Variants in MARCO observed in about 807,000 individuals in gnomAD.
The protein encoded by MARCO is macrophage receptor MARCO.
MARCO carries 72 observed loss-of-function variants against 70.0 expected under a neutral mutation model. The observed-to-expected ratio is 1.03, with a 90% confidence interval of 0.85 to 1.25. The LOEUF (loss-of-function observed/expected upper bound fraction) is 1.25, where lower values mean the gene tolerates loss of function less well. Ranked by LOEUF, MARCO falls within the 50% of genes most tolerant of loss-of-function variation. MARCO has a pLI of 0.00. For missense variants in MARCO, 696 were observed against 659.3 expected, an observed-to-expected ratio of 1.06 and a Z score of -0.61; for synonymous variants, 273 against 243.1, an observed-to-expected ratio of 1.12 and a Z score of -1.14.
At chr2:118,987,344 C>T (rs1475181958) in intron 12 of MARCO, among the ~76,000 whole-genome samples, 1 of 152,194 alleles carries the variant, frequency 6.6e-6, no homozygotes, top group African/African-American at 2.4e-5. Flanking sequence ...TATCAGGATG[C>T]TGCCTTGATT....
chr2:118,963,467 T>C (rs1449996026), intron 1 of MARCO, among the ~76,000 whole-genome samples: 4 of 152,112 alleles, frequency 2.6e-5, no homozygotes, highest in African/African-American at 9.7e-5. Flanking sequence ...TGTATGACCT[T>C]GGTTTTTTTT....
chr2:118,969,963 AGGC>A, intron 2 of MARCO, 148 bp from the exon 3 acceptor site: 1 of 653,100 alleles, frequency 1.5e-6, no homozygotes, highest in Admixed American at 2.7e-5. Context: ...GATGTAGAAA[AGGC>A]CGTGTGCTCA....
chr2:118,990,773 C>T, intron 13 of MARCO, 140 bp downstream of exon 13: 1 of 784,938 alleles, frequency 1.3e-6, no homozygotes, highest in Non-Finnish European at 2.1e-6. Flanking sequence ...GGCTCTGTCA[C>T]TCAAGCCTCA....
At chr2:118,966,656 C>T (rs961244744) in intron 1 of MARCO, among the ~76,000 whole-genome samples, 1 of 152,214 alleles carries the variant, frequency 6.6e-6, no homozygotes, top group Non-Finnish European at 1.5e-5. Context: ...ACTCACATGC[C>T]TTCCACCACG....
intron 12 of MARCO, 30 bp from the exon 13 acceptor site, chr2:118,990,559 T>TCCCCC: frequency 1.5e-6 from 2 of 1,308,824 alleles, no homozygotes; most frequent in South Asian, 1.2e-5. Flanking sequence ...TATTATCTCC[T>TCCCCC]CCCCCCCCCC....
Position 118,994,659 on chromosome 2 carries a change from G to A in MARCO, c.*139G>A. On this transcript the variant is annotated 3_prime_UTR_variant, in exon 17 of 17. Coordinates refer to ENST00000327097, the MANE Select transcript of MARCO (RefSeq NM_006770.4). ...CCATTAATAAAGCTCAACATCATTGGCTGTGGCTGAGTGTCACTGTGTTCA... is the reference window on the plus strand; with the variant it reads ...CCATTAATAAAGCTCAACATCATTGACTGTGGCTGAGTGTCACTGTGTTCA... The A allele has an allele frequency of 1.3e-6, 1 of 779,128 alleles. No homozygotes were observed. The highest frequency in any genetic ancestry group is 1.8e-5 in the African/African-American group (1 of 57,130). 48.3% of individuals were successfully genotyped at this position (779,128 alleles called of 1,614,324 possible). A position where few individuals can be genotyped will look rare whatever the true frequency, so the allele number is the denominator to read the frequency against.
At chr2:118,948,363 C>A (rs1403314423) in intron 1 of MARCO, among the ~76,000 whole-genome samples, 1 of 152,202 alleles carries the variant, frequency 6.6e-6, no homozygotes. Flanking sequence ...TAGCCTACAA[C>A]TTTCCTAATA....
chr2:118,959,837 C>G (rs1407888343), intron 1 of MARCO, among the ~76,000 whole-genome samples: 3 of 152,108 alleles, frequency 2.0e-5, no homozygotes, highest in Non-Finnish European at 4.4e-5. Flanking sequence ...AGATTGGAGA[C>G]TATTATTCTA....
intron 1 of MARCO, among the ~76,000 whole-genome samples, chr2:118,959,482 A>G (rs1185363476): frequency 6.6e-6 from 1 of 152,114 alleles, no homozygotes; most frequent in Admixed American, 6.5e-5. Flanking sequence ...AATCAAAAAA[A>G]CCACAGATGT....
intron 7 of MARCO, 149 bp downstream of exon 7, chr2:118,977,664 T>A: frequency 1.2e-6 from 1 of 811,806 alleles, no homozygotes; most frequent in Non-Finnish European, 2.0e-6. Context: ...TTGAGTCCTG[T>A]CACATTTCTT....
intron 2 of MARCO, among the ~76,000 whole-genome samples, chr2:118,969,478 C>T (rs1177174504): frequency 6.6e-6 from 1 of 152,086 alleles, no homozygotes; most frequent in Non-Finnish European, 1.5e-5. Flanking sequence ...GAGAGAGAGA[C>T]ATTGAGAATG....
Position 118,969,212 on chromosome 2 carries a change from C to A in MARCO, c.150C>A (p.Val50=). The change falls in exon 2 of 17, where the codon GTC becomes GTA. Residue 50 remains valine (V), a synonymous_variant. Coordinates refer to ENST00000327097, the MANE Select transcript of MARCO (RefSeq NM_006770.4). ...NGVNFSLAVV[V]IYLILLTAGA... Reference sequence around the variant, plus strand: ...TGAACTTCTCCCTAGCTGTGGTGGTCATCTACCTGATCCTGCTCACCGCTG... The same window carrying A: ...TGAACTTCTCCCTAGCTGTGGTGGTAATCTACCTGATCCTGCTCACCGCTG... 6.2e-7 allele frequency: 1 copy of A among 1,614,206 alleles called. No homozygotes were observed. The highest frequency in any genetic ancestry group is 1.1e-5 in the South Asian group (1 of 91,080).
At chr2:118,983,444 G>A (rs958508685) in intron 12 of MARCO, among the ~76,000 whole-genome samples, 7 of 152,144 alleles carry the variant, frequency 4.6e-5, no homozygotes, top group African/African-American at 1.7e-4. Context: ...AAGCTGTCGG[G>A]AGCCATGGCA....
intron 4 of MARCO, 94 bp from the exon 5 acceptor site, chr2:118,974,239 C>A (rs1415540794): frequency 1.3e-6 from 1 of 780,794 alleles, no homozygotes; most frequent in Non-Finnish European, 2.2e-6. Flanking sequence ...GCTCAGTGAA[C>A]GTTTGTTGAA....
chr2:118,967,709 G>A (rs992920895), intron 1 of MARCO, among the ~76,000 whole-genome samples: 5 of 152,278 alleles, frequency 3.3e-5, no homozygotes, highest in African/African-American at 7.2e-5. Flanking sequence ...CCTGCTGTGC[G>A]GGGGTTGGAA....
Position 118,986,672 on chromosome 2 carries a change from G to GGAAGGAAGGAAAGAAAGAAA in MARCO, c.1064-3914_1064-3913insGGAAGGAAAGAAAGAAAGAA, listed in dbSNP as rs1680505947. 3.6e-3 allele frequency among the ~76,000 whole-genome samples: 177 copies of GGAAGGAAGGAAAGAAAGAAA among 48,700 alleles called. 5 individuals are homozygous for GGAAGGAAGGAAAGAAAGAAA. The highest frequency in any genetic ancestry group is 0.021 in the Middle Eastern group (2 of 96). 31.9% of individuals were successfully genotyped at this position (48,700 alleles called of 152,430 possible). ...AAGAAAGAAGGAAGGAAGGAAGGAA[G>GGAAGGAAGGAAAGAAAGAAA]GAAAGAAAGAAAGAAAGAAAGAAAG... On this transcript the variant is annotated intron_variant, in intron 12 of 16. Transcript: ENST00000327097.
intron 12 of MARCO, among the ~76,000 whole-genome samples, chr2:118,988,970 G>A (rs374822895): frequency 6.6e-6 from 1 of 152,196 alleles, no homozygotes; most frequent in African/African-American, 2.4e-5. Context: ...TGCCTCAGGA[G>A]GCAAACAAGG....
intron 1 of MARCO, among the ~76,000 whole-genome samples, chr2:118,952,028 C>CCCTTCT (rs1679732260): frequency 6.6e-6 from 1 of 152,168 alleles, no homozygotes; most frequent in Admixed American, 6.5e-5. Flanking sequence ...TTGCTGCTCT[C>CCCTTCT]CCTTCTCCTT....
At chr2:118,978,418 T>C (rs1178602359) in intron 8 of MARCO, among the ~76,000 whole-genome samples, 1 of 152,204 alleles carries the variant, frequency 6.6e-6, no homozygotes, top group Non-Finnish European at 1.5e-5. Context: ...GAGGGTCTGT[T>C]TCAAATGCCC....
Sources: gnomAD v4.1 joint callset for allele counts (sites outside exome capture counted in the v4.1 genomes callset) on GRCh38, gnomAD v4.1.1 for gene constraint, MANE v1.5 for transcripts, NCBI Gene and HGNC (gene_info 2026-07-23, HGNC 2026-07-21) for gene names.